PRUNE2: variants seen among roughly 807,000 people sequenced by gnomAD.
PRUNE2 encodes prune homolog 2 with BCH domain.
PRUNE2 carries 164 observed loss-of-function variants against 252.0 expected under a neutral mutation model. That is an observed-to-expected ratio of 0.65 (90% CI 0.57 to 0.74). The LOEUF is 0.74. PRUNE2 is among the 30% of genes least tolerant of loss of function. PRUNE2 has a pLI of 0.00. For synonymous variants in PRUNE2, 1,292 were observed against 1,350.2 expected (o/e 0.96, Z 0.94); for missense variants, 3,495 against 3,711.0 (o/e 0.94, Z 1.51).
At chr9:76,798,455 G>A (rs145146438) in intron 6 of PRUNE2, among the ~76,000 whole-genome samples, 319 of 152,180 alleles carry the variant, frequency 2.1e-3, no homozygotes, top group African/African-American at 7.4e-3. Context: ...GTTCTAGCGC[G>A]TGTCAGAATT....
chr9:76,709,663 C>T lies in PRUNE2; in HGVS notation c.2611G>A (p.Asp871Asn), dbSNP rs375627004. 5.6e-6 allele frequency: 9 copies of T among 1,613,844 alleles called. No homozygotes were observed. The highest frequency in any genetic ancestry group is 1.1e-5 in the South Asian group (1 of 91,080). Residue 871 changes from aspartate to asparagine, a missense_variant, in exon 8 of 19, where the codon GAC becomes AAC. Physicochemically the swap from Asp to Asn is conservative, Grantham distance 23. Coordinates refer to ENST00000376718, the MANE Select transcript of PRUNE2 (RefSeq NM_015225.3). Reference protein sequence around the residue: ...APEIWGKKNNDSRDHIFAPGN... With the variant: ...APEIWGKKNNNSRDHIFAPGN... Reference sequence around the variant, plus strand: ...GGTGCAAAGATGTGATCCCTGGAGTCATTGTTTTTCTTGCCCCAGATTTCT... The same window carrying T: ...GGTGCAAAGATGTGATCCCTGGAGTTATTGTTTTTCTTGCCCCAGATTTCT...
chr9:76,648,783 G>A (rs1339889522), intron 11 of PRUNE2, among the ~76,000 whole-genome samples: 3 of 152,212 alleles, frequency 2.0e-5, no homozygotes, highest in South Asian at 2.1e-4. Context: ...ACTTGGAATC[G>A]TGATGATACT....
intron 6 of PRUNE2, among the ~76,000 whole-genome samples, chr9:76,768,395 G>A (rs186417056): frequency 8.5e-5 from 13 of 152,158 alleles, no homozygotes; most frequent in Non-Finnish European, 1.3e-4. Context: ...GGTTCACCAT[G>A]TTGGCCAAGC....
chr9:76,632,747 G>T (rs1327564031), intron 15 of PRUNE2, among the ~76,000 whole-genome samples: 1 of 152,072 alleles, frequency 6.6e-6, no homozygotes, highest in Non-Finnish European at 1.5e-5. Context: ...ATTTTCCAGA[G>T]TCAGGATCTC....
intron 6 of PRUNE2, among the ~76,000 whole-genome samples, chr9:76,731,372 G>A (rs1239950841): frequency 6.7e-6 from 1 of 148,746 alleles, no homozygotes; most frequent in African/African-American, 2.5e-5. Flanking sequence ...ACCCAGGCTG[G>A]AGTGCAGTGG....
intron 4 of PRUNE2, among the ~76,000 whole-genome samples, chr9:76,845,404 T>C (rs1412072225): frequency 6.6e-6 from 1 of 152,222 alleles, no homozygotes; most frequent in African/African-American, 2.4e-5. Flanking sequence ...TTGGCTGAGA[T>C]CCCCAATTAC....
At chr9:76,698,052 T>C (rs1214603172) in intron 9 of PRUNE2, among the ~76,000 whole-genome samples, 1 of 15,032 alleles carries the variant, frequency 6.7e-5, no homozygotes, top group Non-Finnish European at 2.3e-4. Flanking sequence ...ATGTAAAGGA[T>C]TTTTTTTTTT....
intron 10 of PRUNE2, among the ~76,000 whole-genome samples, chr9:76,653,926 C>G (rs746657284): frequency 2.0e-5 from 3 of 152,116 alleles, no homozygotes; most frequent in Non-Finnish European, 2.9e-5. Context: ...CATTTTTTAA[C>G]CAAGCTTAAA....
At chr9:76,799,224 C>A (rs1474698308) in intron 6 of PRUNE2, among the ~76,000 whole-genome samples, 6 of 151,930 alleles carry the variant, frequency 3.9e-5, no homozygotes, top group African/African-American at 1.5e-4. Context: ...GCCTGTAATC[C>A]CAGCTACTCC....
intron 15 of PRUNE2, 29 bp downstream of exon 15, chr9:76,636,442 C>A: frequency 7.8e-7 from 1 of 1,275,438 alleles, no homozygotes; most frequent in Admixed American, 2.1e-5. Flanking sequence ...ACTAGTAGTA[C>A]TTTTATTTTA....
intron 1 of PRUNE2, among the ~76,000 whole-genome samples, chr9:76,904,043 G>A (rs936699982): frequency 6.6e-6 from 1 of 152,130 alleles, no homozygotes; most frequent in African/African-American, 2.4e-5. Context: ...TTATTACCTA[G>A]AAAATGTAAC....
chr9:76,837,400 C>T (rs2059061938), intron 4 of PRUNE2, among the ~76,000 whole-genome samples: 1 of 151,266 alleles, frequency 6.6e-6, no homozygotes, highest in African/African-American at 2.4e-5. Context: ...CAAGATTGTG[C>T]CATTGCACTC....
intron 6 of PRUNE2, among the ~76,000 whole-genome samples, chr9:76,720,422 G>C (rs58286902): frequency 0.22 from 33,032 of 152,030 alleles, 4,051 homozygotes; most frequent in East Asian, 0.57. Context: ...AACCCTCGCT[G>C]TGACACTCAC....
At chr9:76,769,753 G>T (rs1043280820) in intron 6 of PRUNE2, among the ~76,000 whole-genome samples, 1 of 152,194 alleles carries the variant, frequency 6.6e-6, no homozygotes, top group Non-Finnish European at 1.5e-5. Context: ...TTGTATTTCT[G>T]TAGGAGAGCT....
intron 1 of PRUNE2, among the ~76,000 whole-genome samples, chr9:76,899,557 T>G (rs1032184026): frequency 2.0e-5 from 3 of 152,252 alleles, no homozygotes; most frequent in African/African-American, 7.2e-5. Context: ...CAAAGTGTCA[T>G]GCTTTGTGCA....
At chr9:76,797,199 GA>G (rs1180807699) in intron 6 of PRUNE2, among the ~76,000 whole-genome samples, 1 of 152,014 alleles carries the variant, frequency 6.6e-6, no homozygotes, top group Middle Eastern at 3.2e-3. Context: ...TATCAGGTCA[GA>G]AAGAATGTAT....
Position 76,709,240 on chromosome 9 carries a change from G to A in PRUNE2, c.3034C>T (p.Pro1012Ser). Residue 1012 changes from proline (P) to serine (S), a missense_variant, in exon 8 of 19, where the codon CCT (proline) becomes TCT (serine). Coordinates refer to ENST00000376718, the MANE Select transcript of PRUNE2 (RefSeq NM_015225.3). ...CGAGATGACTGTTGCAGTGACTGAG[G>A]AGGAATGTCAGTCTCCTCTGCCGTG... ...NSTAEETDIP[P>S]QSLQQSSRNR... 6.2e-7 allele frequency: 1 copy of A among 1,613,812 alleles called. No individual in the cohort carries two copies. Among genetic ancestry groups the A allele is most frequent in the Non-Finnish European group, 8.5e-7 (1 of 1,179,814 alleles).
intron 5 of PRUNE2, among the ~76,000 whole-genome samples, chr9:76,824,436 G>A (rs2058224763): frequency 6.6e-6 from 1 of 152,166 alleles, no homozygotes; most frequent in Admixed American, 6.5e-5. Context: ...CTTTACAAAT[G>A]TGACTCGTAA....
chr9:76,883,924 C>T (rs188841346), intron 1 of PRUNE2, among the ~76,000 whole-genome samples: 1 of 152,242 alleles, frequency 6.6e-6, no homozygotes, highest in Admixed American at 6.5e-5. Flanking sequence ...AAAATTAAAA[C>T]AGTATATGAG....
Sources: allele counts gnomAD v4.1 joint callset (sites outside exome capture counted in the v4.1 genomes callset), GRCh38; gene constraint gnomAD v4.1.1; transcripts MANE v1.5; gene names NCBI Gene and HGNC (gene_info 2026-07-23, HGNC 2026-07-21).